CEP350: variants seen among roughly 807,000 people sequenced by gnomAD.
The protein encoded by CEP350 is centrosomal protein 350, also known as centrosome-associated protein 350.
A neutral mutation model predicts 331.8 loss-of-function variants in CEP350; 126 were observed. That is an observed-to-expected ratio of 0.38 (90% CI 0.33 to 0.44). The LOEUF (loss-of-function observed/expected upper bound fraction) is 0.44, where lower values mean the gene tolerates loss of function less well. CEP350 is among the 20% of genes least tolerant of loss of function. The pLI is 1.00. For missense variants in CEP350, 3,406 were observed against 3,634.6 expected (o/e 0.94, Z 1.62); for synonymous variants, 1,200 against 1,259.5 (o/e 0.95, Z 1.00).
Position 180,094,228 on chromosome 1 carries a change from A to G in CEP350, c.8123A>G (p.Tyr2708Cys). ...QQFTEEEDNL[Y>C]AEASEKLCTP... ...TTTACAGAAGAGGAAGACAACCTAT[A>G]TGCTGAAGCTTCAGAAAAGCTTTGT... Residue 2708 changes from tyrosine (Y) to cysteine (C), a missense_variant, in exon 34 of 38, where the codon TAT becomes TGT. Physicochemically the swap from Tyr to Cys is radical, Grantham distance 194 (BLOSUM62 -2). Around this residue, in one of 5 missense-constraint regions of CEP350, gnomAD observed 1,415 missense variants for 1,512.3 expected, o/e 0.94. Transcript: ENST00000367607. 4.3e-6 allele frequency: 7 copies of G among 1,613,176 alleles called. No homozygotes were observed. Among genetic ancestry groups the G allele is most frequent in the Non-Finnish European group, 5.9e-6 (7 of 1,179,544 alleles).
chr1:180,078,426 G>A, intron 28 of CEP350, 37 bp from the exon 29 acceptor site: 1 of 1,465,468 alleles, frequency 6.8e-7, no homozygotes, highest in Non-Finnish European at 9.4e-7. Flanking sequence ...GACCAAGATT[G>A]TATCTTTTTT....
intron 1 of CEP350, among the ~76,000 whole-genome samples, chr1:179,963,725 G>T (rs1356434696): frequency 6.6e-6 from 1 of 152,072 alleles, no homozygotes; most frequent in Non-Finnish European, 1.5e-5. Flanking sequence ...GTAACATGCT[G>T]TTTTGGTTAG....
At position 180,024,424 on chromosome 1, in the gene CEP350, C is replaced by T. The variant is rs139727510; in HGVS notation, c.3392C>T (p.Thr1131Ile). ...TATTATTTATTCTTTGACAGTAGCA[C>T]TTTAAGCCCTCAGGAGGACCATTCT... is the stretch of plus-strand genomic sequence containing the variant. ...EKKSTLEPHS[T>I]LSPQEDHSNR... Residue 1131 changes from threonine (T) to isoleucine (I), a missense_variant, in exon 14 of 38, where the codon ACT (threonine) becomes ATT (isoleucine). Physicochemically the swap from Thr to Ile is moderately conservative, Grantham distance 89 (BLOSUM62 -1). Around this residue, in one of 5 missense-constraint regions of CEP350, gnomAD observed 1,857 missense variants for 1,909.2 expected, o/e 0.97. Coordinates refer to ENST00000367607, the MANE Select transcript of CEP350 (RefSeq NM_014810.5). 1.8e-4 allele frequency: 294 copies of T among 1,609,186 alleles called. No individual in the cohort carries two copies. Among genetic ancestry groups the T allele is most frequent in the Non-Finnish European group, 2.4e-4 (281 of 1,177,776 alleles).
Position 180,053,804 on chromosome 1 carries a change from G to A in CEP350, c.5044G>A (p.Glu1682Lys). The change falls in exon 24 of 38, where the codon GAG becomes AAG. Residue 1682 changes from glutamate (E) to lysine (K), a missense_variant. Glu to Lys is a moderately conservative substitution (Grantham distance 56). This residue lies in a region of CEP350 where 104 missense variants were observed against 143.3 expected (regional missense o/e 0.73). Transcript: ENST00000367607. ...GQDSFSKFTM[E>K]MVRQYMKEEE... The stretch of plus-strand genomic sequence containing the variant: ...AGATAGCTTTTCTAAATTTACTATG[G>A]AGATGGTTCGACAGTATATGAAAGA... 1 of 1,607,354 alleles carries A rather than the reference G, an allele frequency of 6.2e-7. No individual in the cohort carries two copies. The highest frequency in any genetic ancestry group is 8.5e-7 in the Non-Finnish European group (1 of 1,175,436).
chr1:179,982,373 G>T (rs193205083), intron 1 of CEP350, among the ~76,000 whole-genome samples: 9 of 152,260 alleles, frequency 5.9e-5, no homozygotes, highest in Non-Finnish European at 1.3e-4. Flanking sequence ...TTTGCATGTA[G>T]TTGTAATTCA....
rs1661605028 is a variant in CEP350, at chr1:180,114,859, A to G, written c.*3698A>G. On this transcript the variant is annotated 3_prime_UTR_variant, in exon 38 of 38. Coordinates refer to ENST00000367607, the MANE Select transcript of CEP350 (RefSeq NM_014810.5). The stretch of plus-strand genomic sequence containing the variant: ...TAAGAAAGATAAAATCTGTAAATAA[A>G]CTGATTTATAAATTAATTTCATGTC... 1 of 152,638 alleles carries G rather than the reference A, an allele frequency of 6.6e-6. No individual in the cohort carries two copies. Among genetic ancestry groups the G allele is most frequent in the Non-Finnish European group, 1.5e-5 (1 of 68,036 alleles). The allele number at this position is 152,638 out of a possible 1,614,324, so 9.5% of individuals were successfully genotyped here.
At chr1:180,070,002 C>T (rs10913927) in intron 27 of CEP350, among the ~76,000 whole-genome samples, 86,131 of 152,028 alleles carry the variant, frequency 0.57, 26,299 homozygotes, top group East Asian at 0.72. Context: ...AAGGTCAGTA[C>T]AAATAGAGCA....
intron 1 of CEP350, among the ~76,000 whole-genome samples, chr1:179,956,429 G>A (rs1278395935): frequency 1.3e-5 from 2 of 152,076 alleles, no homozygotes; most frequent in East Asian, 3.8e-4. Context: ...AATTTCATAC[G>A]TATGTGAACA....
At chr1:180,042,560 G>A (rs552150649) in intron 19 of CEP350, among the ~76,000 whole-genome samples, 37 of 152,284 alleles carry the variant, frequency 2.4e-4, no homozygotes, top group African/African-American at 8.7e-4. Flanking sequence ...AAATTAAAAT[G>A]TAGACAACAT....
intron 37 of CEP350, among the ~76,000 whole-genome samples, chr1:180,102,221 C>T (rs561763609): frequency 7.0e-4 from 107 of 151,962 alleles, no homozygotes; most frequent in African/African-American, 2.4e-3. Context: ...CTACAACCTC[C>T]GCCTCCCGGG....
At chr1:179,991,701 G>GTT (rs1181874261) in intron 4 of CEP350, among the ~76,000 whole-genome samples, 1 of 132,886 alleles carries the variant, frequency 7.5e-6, no homozygotes, top group African/African-American at 2.8e-5. Context: ...GTGTGTGTGT[G>GTT]TGTGTGTATA....
intron 21 of CEP350, among the ~76,000 whole-genome samples, chr1:180,045,364 G>T (rs971201775): frequency 5.9e-5 from 9 of 151,982 alleles, no homozygotes; most frequent in African/African-American, 2.2e-4. Context: ...AAATTGAATA[G>T]CTGTCATTGG....
chr1:179,965,851 C>T (rs1650975943), intron 1 of CEP350, among the ~76,000 whole-genome samples: 1 of 151,914 alleles, frequency 6.6e-6, no homozygotes, highest in Admixed American at 6.6e-5. Flanking sequence ...GTCTTGAACT[C>T]CTGACCTCAG....
chr1:180,060,013 T>A (rs1368015509), intron 25 of CEP350, among the ~76,000 whole-genome samples: 1 of 152,174 alleles, frequency 6.6e-6, no homozygotes, highest in South Asian at 2.1e-4. Flanking sequence ...ATAAAGAGAT[T>A]TGCAAAACTC....
chr1:180,073,973 G>C, intron 27 of CEP350: 11 of 1,259,690 alleles, frequency 8.7e-6, no homozygotes, highest in Non-Finnish European at 1.1e-5. Flanking sequence ...TGTTTGTTTT[G>C]TTTGCTTTTC....
In CEP350 at chr1:180,095,474, A is replaced by G. The variant is rs765747671; in HGVS notation, c.8512-49A>G. 1.1e-5 allele frequency: 17 copies of G among 1,537,992 alleles called. No individual in the cohort carries two copies. The South Asian group carries it at 1.8e-4, about 16-fold the overall frequency. The stretch of plus-strand genomic sequence containing the variant: ...CTCTGTCTTTTTTTAAAAAAAAATG[A>G]TATGAGGTCCCTAAATGGTGCTCTG... On this transcript the variant is annotated intron_variant, in intron 34 of 37. Coordinates refer to ENST00000367607, the MANE Select transcript of CEP350 (RefSeq NM_014810.5).
intron 28 of CEP350, among the ~76,000 whole-genome samples, chr1:180,077,357 T>G (rs1396320305): frequency 7.2e-6 from 1 of 139,288 alleles, no homozygotes; most frequent in Non-Finnish European, 1.6e-5. Context: ...ATAGAAAAAT[T>G]TAGAATTTTA....
In CEP350 at chr1:180,096,158, A is replaced by T; in HGVS notation, c.9040A>T (p.Asn3014Tyr). Residue 3014 changes from asparagine (N) to tyrosine (Y), a missense_variant, in exon 36 of 38, where the codon AAT becomes TAT. Coordinates refer to ENST00000367607, the MANE Select transcript of CEP350 (RefSeq NM_014810.5). ...INSSYFRRVK[N>Y]PNNLDEIKSF... is the part of the protein sequence containing the mutation. ...CTCTAGTTATTTCCGACGAGTGAAA[A>T]ATCCAAATAACCTTGATGAAATCAA... 2 of 1,569,066 alleles carry T rather than the reference A, an allele frequency of 1.3e-6. No individual in the cohort carries two copies. The highest frequency in any genetic ancestry group is 1.7e-6 in the Non-Finnish European group (2 of 1,155,146).
At chr1:180,070,724 C>G (rs771027539) in intron 27 of CEP350, among the ~76,000 whole-genome samples, 12 of 152,164 alleles carry the variant, frequency 7.9e-5, no homozygotes, top group Non-Finnish European at 1.6e-4. Context: ...AAATTGATGA[C>G]TTAAAGTTAT....
Sources: gnomAD v4.1 joint callset for allele counts (sites outside exome capture counted in the v4.1 genomes callset) on GRCh38, gnomAD v4.1.1 for gene constraint, gnomAD v4.1.1 regional missense constraint, MANE v1.5 for transcripts, NCBI Gene and HGNC (gene_info 2026-07-23, HGNC 2026-07-21) for gene names.